The following RIMBP2 variants were observed in gnomAD, a reference collection of about 807,000 sequenced individuals.
RIMBP2 encodes the protein RIMS-binding protein 2.
A neutral mutation model predicts 118.6 loss-of-function variants in RIMBP2; 48 were observed. The ratio of observed to expected loss-of-function variants is 0.40; its 90% CI spans 0.32 to 0.51. The LOEUF is 0.51. RIMBP2 is among the 20% of genes least tolerant of loss of function. RIMBP2 has a pLI of 0.41. For missense variants in RIMBP2, 1,551 were observed against 1,768.3 expected (o/e 0.88, Z 2.20); for synonymous variants, 762 against 742.9 (o/e 1.03, Z -0.42).
chr12:130,692,292 C>G (rs1384174403), intron 1 of RIMBP2, among the ~76,000 whole-genome samples: 1 of 152,198 alleles, frequency 6.6e-6, no homozygotes, highest in Non-Finnish European at 1.5e-5. Flanking sequence ...GGGTCTGCTG[C>G]AGAAGCCTCT....
At chr12:130,709,899 C>T (rs1240099662) in intron 1 of RIMBP2, among the ~76,000 whole-genome samples, 1 of 152,122 alleles carries the variant, frequency 6.6e-6, no homozygotes, top group African/African-American at 2.4e-5. Flanking sequence ...TTTGGTAGCA[C>T]TGGGCAGGAG....
chr12:130,397,747 T>C (rs1041615936), intron 22 of RIMBP2, 198 bp from the exon 23 acceptor site: 19 of 375,274 alleles, frequency 5.1e-5, no homozygotes, highest in East Asian at 2.7e-4. Context: ...CATAAATGTG[T>C]GGGTTCCGTT....
At chr12:130,694,940 G>T (rs899725242) in intron 1 of RIMBP2, among the ~76,000 whole-genome samples, 3 of 152,188 alleles carry the variant, frequency 2.0e-5, no homozygotes, top group Non-Finnish European at 4.4e-5. Flanking sequence ...CAGTGCCTGA[G>T]CTGTAAAGTT....
At chr12:130,405,880 T>G (rs2075125527) in intron 21 of RIMBP2, among the ~76,000 whole-genome samples, 1 of 152,194 alleles carries the variant, frequency 6.6e-6, no homozygotes, top group South Asian at 2.1e-4. Flanking sequence ...AATGTTTGGG[T>G]GGCAGCAATT....
chr12:130,573,428 G>T (rs77758409), intron 2 of RIMBP2, among the ~76,000 whole-genome samples: 9 of 151,486 alleles, frequency 5.9e-5, no homozygotes, highest in Admixed American at 5.9e-4. Context: ...GAGTGTGTGC[G>T]TGGGTGTGTG....
Position 130,604,256 on chromosome 12 carries a change from G to A in RIMBP2, c.-217+24066C>T, listed in dbSNP as rs180906945. Among the ~76,000 whole-genome samples the A allele has an allele frequency of 2.6e-4, 38 of 147,954 alleles. No homozygotes were observed. The East Asian group carries it at 7.0e-3, about 27-fold the overall frequency. On this transcript the variant is annotated intron_variant, in intron 2 of 22. Transcript: ENST00000690449. ...GCAATGTCTTTGTGTTTCAAGATAC[G>A]TGTTATTACAAGAGTCAAAAAGGTT...
chr12:130,544,161 G>A (rs772614221), intron 2 of RIMBP2, among the ~76,000 whole-genome samples: 1 of 152,094 alleles, frequency 6.6e-6, no homozygotes, highest in Non-Finnish European at 1.5e-5. Flanking sequence ...GCTTTTTGAT[G>A]TCCTTCCTCT....
chr12:130,610,118 C>T (rs565209904), intron 2 of RIMBP2, among the ~76,000 whole-genome samples: 151 of 150,860 alleles, frequency 1.0e-3, no homozygotes, highest in African/African-American at 3.5e-3. Context: ...AAGCCTGCTC[C>T]TCCCAGTCCC....
chr12:130,429,540 CATAAAG>C (rs1342158663), intron 14 of RIMBP2: 1 of 152,110 alleles, frequency 6.6e-6, no homozygotes, highest in African/African-American at 2.4e-5. Context: ...GTAATACATC[CATAAAG>C]ATATTCTGTT....
chr12:130,711,107 G>A (rs190664382), intron 1 of RIMBP2, among the ~76,000 whole-genome samples: 34 of 152,280 alleles, frequency 2.2e-4, no homozygotes, highest in African/African-American at 7.7e-4. Context: ...GCCGGGCGTG[G>A]TAGCCCACGC....
intron 4 of RIMBP2, among the ~76,000 whole-genome samples, chr12:130,487,280 C>T (rs12809712): frequency 0.077 from 11,699 of 152,200 alleles, 1,215 homozygotes; most frequent in African/African-American, 0.24. Context: ...TGAAATGTGA[C>T]CCCTGTGTTG....
At chr12:130,624,829 A>G (rs1409937292) in intron 2 of RIMBP2, among the ~76,000 whole-genome samples, 1 of 152,130 alleles carries the variant, frequency 6.6e-6, no homozygotes, top group African/African-American at 2.4e-5. Context: ...GGTTCAAGCA[A>G]TTCTCCTGCC....
chr12:130,489,616 T>C (rs2048437097), intron 4 of RIMBP2, among the ~76,000 whole-genome samples: 1 of 152,196 alleles, frequency 6.6e-6, no homozygotes, highest in Non-Finnish European at 1.5e-5. Context: ...CTCCTGACTC[T>C]GAGATCATCA....
chr12:130,646,153 C>CA (rs1566422407), intron 1 of RIMBP2, among the ~76,000 whole-genome samples: 5 of 90,514 alleles, frequency 5.5e-5, no homozygotes, highest in African/African-American at 7.1e-5. Context: ...CCACCTGCCT[C>CA]TCCACCTCCC....
intron 1 of RIMBP2, among the ~76,000 whole-genome samples, chr12:130,653,215 G>A (rs754408066): frequency 1.3e-5 from 2 of 152,220 alleles, no homozygotes; most frequent in East Asian, 3.8e-4. Flanking sequence ...CTACCTATGA[G>A]CCTGTAAAAT....
chr12:130,692,850 A>ATAGGGTAGGGTAGGGTAGGG (rs762175825), intron 1 of RIMBP2, among the ~76,000 whole-genome samples: 2 of 80,890 alleles, frequency 2.5e-5, no homozygotes, highest in African/African-American at 9.7e-5. Context: ...ATGGGATGGG[A>ATAGGGTAGGGTAGGGTAGGG]TAGGGTAGGG....
Position 130,424,932 on chromosome 12 carries a change from A to T in RIMBP2, c.2413-74T>A. 1 of 917,958 alleles carries T rather than the reference A, an allele frequency of 1.1e-6. No individual in the cohort carries two copies. The highest frequency in any genetic ancestry group is 1.4e-6 in the Non-Finnish European group (1 of 701,824). 56.9% of individuals were successfully genotyped at this position (917,958 alleles called of 1,614,324 possible). A position where few individuals can be genotyped will look rare whatever the true frequency, so the allele number is the denominator to read the frequency against. On this transcript the variant is annotated intron_variant, in intron 15 of 22. Transcript: ENST00000690449. The surrounding 1 kb of genome is among the most constrained non-coding windows in gnomAD (Gnocchi z 9.8). Reference sequence around the variant, plus strand: ...AGCATGAAGTGGGGGCCAGGGGAGGAAAGAAAATACAGACAGAATTAGTCC... The same window carrying T: ...AGCATGAAGTGGGGGCCAGGGGAGGTAAGAAAATACAGACAGAATTAGTCC...
intron 2 of RIMBP2, among the ~76,000 whole-genome samples, chr12:130,546,792 T>G (rs1200245250): frequency 6.6e-6 from 1 of 152,226 alleles, no homozygotes; most frequent in Non-Finnish European, 1.5e-5. Context: ...GTTTTTTAAT[T>G]TGTTATCTGC....
chr12:130,537,155 A>C (rs1257981146), intron 2 of RIMBP2, among the ~76,000 whole-genome samples: 10 of 152,182 alleles, frequency 6.6e-5, no homozygotes, highest in Non-Finnish European at 1.0e-4. Flanking sequence ...TGATGCCACC[A>C]GGGCCACTTA....
Sources: gnomAD v4.1 joint callset for allele counts (sites outside exome capture counted in the v4.1 genomes callset) on GRCh38, gnomAD v4.1.1 for gene constraint, Gnocchi (gnomAD v3.1) non-coding constraint, MANE v1.5 for transcripts, NCBI Gene and HGNC (gene_info 2026-07-23, HGNC 2026-07-21) for gene names.